The following NAA60 variants were observed in gnomAD, a reference collection of about 807,000 sequenced individuals.
NAA60 encodes the protein N-alpha-acetyltransferase 60, NatF catalytic subunit, also known as N-alpha-acetyltransferase 60.
In NAA60, 8 loss-of-function variants were observed where a neutral mutation model predicts 26.1. The observed-to-expected ratio is 0.31, with a 90% CI of 0.18 to 0.55. The LOEUF (loss-of-function observed/expected upper bound fraction) is 0.55. Among genes scored for constraint, NAA60 ranks in the 20% least tolerant of loss-of-function variants. The pLI is 0.93. For synonymous variants in NAA60, 131 were observed against 122.5 expected (o/e 1.07, Z -0.46); for missense variants, 290 against 311.3 (o/e 0.93, Z 0.51).
Position 3,476,211 on chromosome 16 carries a change from C to CA in NAA60, c.-6-11_-6-10insA. On this transcript the variant is annotated splice_polypyrimidine_tract_variant and intron_variant, in intron 2 of 7. Coordinates refer to ENST00000407558, the MANE Select transcript of NAA60 (RefSeq NM_001083601.3). Reference sequence around the variant, plus strand: ...TGTGAGGTGACGCGTCCCCCCCACCCTTCCCCACAGGTGTGAATGACAGAG... The same window carrying CA: ...TGTGAGGTGACGCGTCCCCCCCACCCATTCCCCACAGGTGTGAATGACAGAG... 6.3e-7 allele frequency: 1 copy of CA among 1,591,158 alleles called. No homozygotes were observed. The highest frequency in any genetic ancestry group is 8.6e-7 in the Non-Finnish European group (1 of 1,163,178).
chr16:3,443,630 C>CT (rs1350372842), upstream of NAA60: 54 of 995,138 alleles, frequency 5.4e-5, no homozygotes, highest in Non-Finnish European at 6.7e-5. Flanking sequence ...CCTGTAGCCA[C>CT]TGGGCAGCTG....
intron 2 of NAA60, among the ~76,000 whole-genome samples, chr16:3,457,187 A>G (rs2035035454): frequency 6.6e-6 from 1 of 152,200 alleles, no homozygotes; most frequent in Non-Finnish European, 1.5e-5. Flanking sequence ...GGCTCACGTC[A>G]GTAATCCCAG....
chr16:3,474,205 G>A (rs1405385228), intron 2 of NAA60, among the ~76,000 whole-genome samples: 2 of 152,224 alleles, frequency 1.3e-5, no homozygotes, highest in Non-Finnish European at 2.9e-5. Flanking sequence ...AACCACACAA[G>A]TTAGGAGTCA....
At chr16:3,481,340 T>G (rs2036817135) in intron 4 of NAA60, among the ~76,000 whole-genome samples, 2 of 152,152 alleles carry the variant, frequency 1.3e-5, no homozygotes, top group South Asian at 2.1e-4. Context: ...TCCGCCTGCC[T>G]CGCGGGAGTG....
chr16:3,482,848 A>G, intron 5 of NAA60: 1 of 564,222 alleles, frequency 1.8e-6, no homozygotes, highest in Non-Finnish European at 3.2e-6. Flanking sequence ...AGCCTCGCTC[A>G]GCCCCCAGGA....
chr16:3,472,995 G>A (rs983835631), intron 2 of NAA60, among the ~76,000 whole-genome samples: 1 of 147,858 alleles, frequency 6.8e-6, no homozygotes, highest in African/African-American at 2.6e-5. Flanking sequence ...TTGTTCCTTT[G>A]TGTGTTCTTT....
intron 2 of NAA60, among the ~76,000 whole-genome samples, chr16:3,460,352 T>C (rs1323424582): frequency 6.6e-6 from 1 of 152,182 alleles, no homozygotes; most frequent in African/African-American, 2.4e-5. Flanking sequence ...TTGTTTGTTT[T>C]TGTTTTTTTG....
intron 2 of NAA60, among the ~76,000 whole-genome samples, chr16:3,469,445 C>A (rs1271376881): frequency 6.7e-6 from 1 of 149,760 alleles, no homozygotes; most frequent in East Asian, 2.0e-4. Flanking sequence ...GGTACCCATC[C>A]TGTTTGGAGG....
intron 2 of NAA60, among the ~76,000 whole-genome samples, chr16:3,455,386 G>GTTTTTTT (rs35501650): frequency 6.5e-4 from 66 of 101,950 alleles, no homozygotes; most frequent in East Asian, 1.2e-3. Flanking sequence ...AGAGTTTTTA[G>GTTTTTTT]TTTTTTTTTT....
chr16:3,453,222 C>A lies in NAA60; in HGVS notation c.-7+4682C>A, dbSNP rs2034853499. ...GACCAGCCTGGGCAACATGGTGAAA[C>A]CCTGTCTCTACTAAAAATACAAAAA... is the stretch of plus-strand genomic sequence containing the variant. On this transcript the variant is annotated intron_variant, in intron 2 of 7. Coordinates refer to ENST00000407558, the MANE Select transcript of NAA60 (RefSeq NM_001083601.3). Among the ~76,000 whole-genome samples, 2 of 152,046 alleles carry A rather than the reference C, an allele frequency of 1.3e-5. 1 individual carries two copies. Among genetic ancestry groups the A allele is most frequent in the South Asian group, 4.1e-4 (2 of 4,822 alleles).
chr16:3,464,630 G>T (rs914357143), intron 2 of NAA60, among the ~76,000 whole-genome samples: 1 of 149,456 alleles, frequency 6.7e-6, no homozygotes, highest in Admixed American at 6.6e-5. Flanking sequence ...GTCCAGTCTT[G>T]GGTGTTAGTC....
In NAA60 at chr16:3,484,850, A is replaced by T. The variant is rs1366110448; in HGVS notation, c.724A>T (p.Met242Leu). Reference protein sequence around the residue: ...SKSGIEYSRTM With the variant: ...SKSGIEYSRTL ...GAGTGGCATCGAGTACAGCCGGACC[A>T]TGTGATGTCGGCTGGGCAGCCGCCA... The change falls in exon 7 of 8, where the codon ATG becomes TTG. Residue 242 changes from methionine (M) to leucine (L), a missense_variant. Physicochemically the swap from Met to Leu is conservative, Grantham distance 15. Transcript: ENST00000407558. 1.9e-6 allele frequency: 3 copies of T among 1,559,126 alleles called. No homozygotes were observed. The highest frequency in any genetic ancestry group is 2.6e-6 in the Non-Finnish European group (3 of 1,152,308).
chr16:3,463,970 T>C (rs918506398), intron 2 of NAA60, among the ~76,000 whole-genome samples: 2 of 152,252 alleles, frequency 1.3e-5, no homozygotes, highest in African/African-American at 2.4e-5. Flanking sequence ...TGATACAGAA[T>C]GGAACCGTCT....
rs2037146398 is a variant in NAA60 at position 3,486,430 on chromosome 16, C to G, written c.*1170C>G. 1 of 152,658 alleles carries G rather than the reference C, an allele frequency of 6.6e-6. No individual in the cohort carries two copies. Among genetic ancestry groups the G allele is most frequent in the African/African-American group, 2.4e-5 (1 of 41,430 alleles). The allele number at this position is 152,658 out of a possible 1,614,324, so 9.5% of individuals were successfully genotyped here. Reference sequence around the variant, plus strand: ...GGAGGAGGGAGAGGGAGGAACAACCCTGGGCAGACGGGGCCTCAGGGACCT... The same window carrying G: ...GGAGGAGGGAGAGGGAGGAACAACCGTGGGCAGACGGGGCCTCAGGGACCT... On this transcript the variant is annotated 3_prime_UTR_variant, in exon 8 of 8. Transcript: ENST00000407558.
At chr16:3,457,956 G>A (rs1313626663) in intron 2 of NAA60, 4 of 984,370 alleles carry the variant, frequency 4.1e-6, no homozygotes, top group Admixed American at 1.2e-4. Flanking sequence ...GCCGGCCTCA[G>A]GGGGCGGGGC....
rs1184401308 is a variant in NAA60, at chr16:3,483,389, G to A, written c.364G>A (p.Asp122Asn). The stretch of plus-strand genomic sequence containing the variant: ...TTCCCTCTTACTTGAAAGTTTAAAG[G>A]ATCACATATCAACCACCGCCCAGGA... ...IGSLLLESLK[D>N]HISTTAQDHC... The change falls in exon 6 of 8, where the codon GAT (aspartate) becomes AAT (asparagine). Residue 122 changes from aspartate to asparagine, a missense_variant. Physicochemically the swap from Asp to Asn is conservative, Grantham distance 23. Coordinates refer to ENST00000407558, the MANE Select transcript of NAA60 (RefSeq NM_001083601.3). 6.2e-7 allele frequency: 1 copy of A among 1,612,666 alleles called. No individual in the cohort carries two copies. Among genetic ancestry groups the A allele is most frequent in the Non-Finnish European group, 8.5e-7 (1 of 1,179,272 alleles).
chr16:3,475,765 C>A (rs1037881029), intron 2 of NAA60, among the ~76,000 whole-genome samples: 1 of 152,240 alleles, frequency 6.6e-6, no homozygotes, highest in East Asian at 1.9e-4. Flanking sequence ...TCCAGCCGTT[C>A]ACTGCCCCGG....
In NAA60 at chr16:3,486,934, A is replaced by C. The variant is rs979202386; in HGVS notation, c.*1674A>C. On this transcript the variant is annotated 3_prime_UTR_variant, in exon 8 of 8. Coordinates refer to ENST00000407558, the MANE Select transcript of NAA60 (RefSeq NM_001083601.3). The stretch of plus-strand genomic sequence containing the variant: ...TAGCGTTCTGTCTCATTACGAGCAA[A>C]TAAATAGACTTTCATTGGAGTTCGT... 1 of 152,534 alleles carries C rather than the reference A, an allele frequency of 6.6e-6. No homozygotes were observed. The highest frequency in any genetic ancestry group is 1.5e-5 in the Non-Finnish European group (1 of 68,074). The allele number at this position is 152,534 out of a possible 1,614,324, so 9.4% of individuals were successfully genotyped here.
rs544504824 is a variant in NAA60, at chr16:3,445,366, G to A, written c.-77+1529G>A. 2.7e-5 allele frequency among the ~76,000 whole-genome samples: 4 copies of A among 150,454 alleles called. No individual in the cohort carries two copies. The South Asian group carries it at 8.5e-4, about 32-fold the overall frequency. On this transcript the variant is annotated intron_variant, in intron 1 of 7. Coordinates refer to ENST00000407558, the MANE Select transcript of NAA60 (RefSeq NM_001083601.3). The stretch of plus-strand genomic sequence containing the variant: ...CTGACTCACTGCAACCTCTGCCTCC[G>A]GGGTTCAAATGATTCTCCTGCCTAA...
Sources: gnomAD v4.1 joint callset for allele counts (sites outside exome capture counted in the v4.1 genomes callset) on GRCh38, gnomAD v4.1.1 for gene constraint, MANE v1.5 for transcripts, NCBI Gene and HGNC (gene_info 2026-07-23, HGNC 2026-07-21) for gene names.